RCAN1: variants seen among roughly 807,000 people sequenced by gnomAD.
RCAN1 encodes regulator of calcineurin 1, also known as calcipressin-1.
RCAN1 carries 11 observed loss-of-function variants against 22.9 expected under a neutral mutation model. The observed-to-expected ratio is 0.48, with a 90% CI of 0.30 to 0.79. The LOEUF is 0.79. Among genes scored for constraint, RCAN1 ranks in the 30% least tolerant of loss-of-function variants. RCAN1 has a pLI of 0.06. For missense variants in RCAN1, 291 were observed against 337.8 expected, an observed-to-expected ratio of 0.86 and a Z score of 1.09; for synonymous variants, 136 against 142.3, an observed-to-expected ratio of 0.96 and a Z score of 0.32.
At chr21:34,565,769 C>T (rs757439647) in intron 1 of RCAN1, among the ~76,000 whole-genome samples, 1 of 152,144 alleles carries the variant, frequency 6.6e-6, no homozygotes, top group African/African-American at 2.4e-5. Flanking sequence ...TATGTGTGCT[C>T]GGCAAAATGT....
At chr21:34,532,195 G>A (rs1443219071) in intron 1 of RCAN1, among the ~76,000 whole-genome samples, 4 of 152,086 alleles carry the variant, frequency 2.6e-5, no homozygotes, top group African/African-American at 4.8e-5. Context: ...CCTGACGGAT[G>A]GTAGAAGATG....
At chr21:34,537,011 C>T (rs891218180) in intron 1 of RCAN1, among the ~76,000 whole-genome samples, 20 of 152,340 alleles carry the variant, frequency 1.3e-4, no homozygotes, top group Admixed American at 5.2e-4. Context: ...GCACTGCAAA[C>T]GCTTTCTTTC....
chr21:34,531,973 C>T (rs1047172186), intron 1 of RCAN1, among the ~76,000 whole-genome samples: 11 of 152,104 alleles, frequency 7.2e-5, no homozygotes, highest in South Asian at 2.1e-4. Flanking sequence ...AGGACCACCA[C>T]GATGGGTATA....
At chr21:34,563,732 A>G (rs1986878425) in intron 1 of RCAN1, among the ~76,000 whole-genome samples, 1 of 142,240 alleles carries the variant, frequency 7.0e-6, no homozygotes, top group Non-Finnish European at 1.5e-5. Flanking sequence ...AACATGGTGA[A>G]ACCCATCTCT....
chr21:34,555,606 A>AT (rs1234337629), intron 1 of RCAN1, among the ~76,000 whole-genome samples: 2 of 151,162 alleles, frequency 1.3e-5, no homozygotes, highest in African/African-American at 2.4e-5. Flanking sequence ...AATAATAATA[A>AT]AAAAATAAAA....
chr21:34,573,064 A>G (rs191086362), intron 1 of RCAN1, among the ~76,000 whole-genome samples: 3 of 152,304 alleles, frequency 2.0e-5, no homozygotes, highest in Admixed American at 2.0e-4. Flanking sequence ...CTCCTCCTAG[A>G]TCCAAGCAAA....
At chr21:34,578,311 C>A (rs1328614053) in intron 1 of RCAN1, among the ~76,000 whole-genome samples, 1 of 152,146 alleles carries the variant, frequency 6.6e-6, no homozygotes, top group Non-Finnish European at 1.5e-5. Flanking sequence ...TAAATGAGTT[C>A]CGTGAATAGA....
chr21:34,606,782 CAG>C (rs1988539976), intron 1 of RCAN1, among the ~76,000 whole-genome samples: 1 of 152,146 alleles, frequency 6.6e-6, no homozygotes, highest in African/African-American at 2.4e-5. Flanking sequence ...CGTAGGGACA[CAG>C]GGAGAAGGGG....
intron 1 of RCAN1, among the ~76,000 whole-genome samples, chr21:34,600,218 A>C (rs1201420443): frequency 6.6e-6 from 1 of 152,196 alleles, no homozygotes; most frequent in African/African-American, 2.4e-5. Context: ...TTTAATTAAA[A>C]GCACAGCAGG....
intron 1 of RCAN1, among the ~76,000 whole-genome samples, chr21:34,532,250 T>C (rs1985431115): frequency 6.6e-6 from 1 of 152,124 alleles, no homozygotes; most frequent in Admixed American, 6.5e-5. Context: ...CCTGTTAAAC[T>C]GACTTTGCGG....
chr21:34,557,125 ATT>A (rs1986607803), intron 1 of RCAN1, among the ~76,000 whole-genome samples: 1 of 152,160 alleles, frequency 6.6e-6, no homozygotes, highest in African/African-American at 2.4e-5. Context: ...AGGCAGGAGA[ATT>A]TCTTGAACCC....
At chr21:34,577,092 G>A (rs573950343) in intron 1 of RCAN1, among the ~76,000 whole-genome samples, 29 of 152,296 alleles carry the variant, frequency 1.9e-4, no homozygotes, top group Admixed American at 7.2e-4. Context: ...TCCATCCTAC[G>A]GTGCCCTGTG....
chr21:34,550,526 G>C (rs1011559969), intron 1 of RCAN1, among the ~76,000 whole-genome samples: 9 of 152,148 alleles, frequency 5.9e-5, no homozygotes, highest in African/African-American at 2.2e-4. Context: ...GACCATGTGA[G>C]GACACAGAGA....
intron 1 of RCAN1, among the ~76,000 whole-genome samples, chr21:34,600,948 A>C (rs1189732305): frequency 6.6e-6 from 1 of 152,238 alleles, no homozygotes; most frequent in Admixed American, 6.5e-5. Flanking sequence ...ACGTGTGTTC[A>C]CAAACACACA....
intron 1 of RCAN1, among the ~76,000 whole-genome samples, chr21:34,562,203 G>A (rs996064743): frequency 5.9e-5 from 9 of 152,156 alleles, no homozygotes; most frequent in African/African-American, 1.9e-4. Flanking sequence ...TTAAGGCTAC[G>A]TTTTGGCCAG....
At chr21:34,574,485 G>A (rs1418481466) in intron 1 of RCAN1, among the ~76,000 whole-genome samples, 1 of 152,154 alleles carries the variant, frequency 6.6e-6, no homozygotes, top group African/African-American at 2.4e-5. Flanking sequence ...CCCAACTTAG[G>A]GACAGAGCGA....
chr21:34,582,591 CG>C (rs1289457954), intron 1 of RCAN1, among the ~76,000 whole-genome samples: 1 of 152,074 alleles, frequency 6.6e-6, no homozygotes, highest in African/African-American at 2.4e-5. Flanking sequence ...GTATTGGAGA[CG>C]CGAGGAGGAG....
At chr21:34,553,440 A>G (rs1986444689) in intron 1 of RCAN1, among the ~76,000 whole-genome samples, 1 of 152,192 alleles carries the variant, frequency 6.6e-6, no homozygotes, top group African/African-American at 2.4e-5. Flanking sequence ...CCACTTCCTG[A>G]TAGCACACAG....
intron 1 of RCAN1, among the ~76,000 whole-genome samples, chr21:34,564,684 T>G (rs1329288917): frequency 6.6e-6 from 1 of 152,134 alleles, no homozygotes; most frequent in Admixed American, 6.5e-5. Flanking sequence ...CAATATTCAT[T>G]AATTATTTTT....
Sources: gnomAD v4.1 joint callset for allele counts (sites outside exome capture counted in the v4.1 genomes callset) on GRCh38, gnomAD v4.1.1 for gene constraint, MANE v1.5 for transcripts, NCBI Gene and HGNC (gene_info 2026-07-23, HGNC 2026-07-21) for gene names.